Variants in FREM1 observed in about 807,000 individuals in gnomAD.
FREM1 encodes FRAS1-related extracellular matrix protein 1.
In FREM1, 220 loss-of-function variants were observed where a neutral mutation model predicts 210.1. The ratio of observed to expected loss-of-function variants is 1.05; its 90% CI spans 0.94 to 1.17. The LOEUF is 1.17. Ranked by LOEUF, FREM1 falls within the 50% of genes most tolerant of loss-of-function variation. The pLI is 0.00. For missense variants in FREM1, 3,454 were observed against 2,675.5 expected (o/e 1.29, Z -6.42); for synonymous variants, 1,189 against 980.2 (o/e 1.21, Z -3.98).
intron 29 of FREM1, among the ~76,000 whole-genome samples, chr9:14,755,072 T>C (rs980002297): frequency 1.3e-5 from 2 of 152,158 alleles, no homozygotes; most frequent in African/African-American, 4.8e-5. Flanking sequence ...ACCGGAAGCA[T>C]GGAAGAGAGG....
Position 14,816,715 on chromosome 9 carries a change from A to T in FREM1, c.2640+63T>A, listed in dbSNP as rs998802784. On this transcript the variant is annotated intron_variant, in intron 15 of 36. Transcript: ENST00000380880. ...CATTATAAATTACCCAGTCTGTAGT[A>T]TTGTGTTATGGCAGCACAAAACAGA... is the stretch of plus-strand genomic sequence containing the variant. 6.5e-6 allele frequency: 5 copies of T among 764,340 alleles called. No homozygotes were observed. In the African/African-American group the frequency reaches 8.9e-5, roughly 14 times the overall value. The allele number at this position is 764,340 out of a possible 1,614,324, so 47.3% of individuals were successfully genotyped here.
intron 5 of FREM1, among the ~76,000 whole-genome samples, chr9:14,856,775 G>A (rs76084173): frequency 0.019 from 2,837 of 149,830 alleles, 49 homozygotes; most frequent in Non-Finnish European, 0.023. Context: ...AGAGCTTGCA[G>A]TGAGCCGACA....
At chr9:14,778,924 AAT>A (rs1849192569) in intron 24 of FREM1, among the ~76,000 whole-genome samples, 2 of 152,092 alleles carry the variant, frequency 1.3e-5, no homozygotes, top group African/African-American at 2.4e-5. Context: ...AACCTAGAAA[AAT>A]ATGTCTGTTC....
chr9:14,747,019 A>G lies in FREM1; in HGVS notation c.6042T>C (p.Thr2014=). ...AATGGAAGAGTCCCTTTAATTCCAGAGTGCAGTTCTTTGGAAATGAGGGCA... is the reference window on the plus strand; with the variant it reads ...AATGGAAGAGTCCCTTTAATTCCAGGGTGCAGTTCTTTGGAAATGAGGGCA... ...DQLPSFPKNC[T]LELKGLFHFE... is the part of the protein sequence containing the mutation. Residue 2014 remains threonine (T), a synonymous_variant, in exon 34 of 37, where the codon ACT becomes ACC. Transcript: ENST00000380880. 1 of 1,613,238 alleles carries G rather than the reference A, an allele frequency of 6.2e-7. No homozygotes were observed. The highest frequency in any genetic ancestry group is 8.5e-7 in the Non-Finnish European group (1 of 1,179,594).
intron 6 of FREM1, among the ~76,000 whole-genome samples, chr9:14,849,850 G>C (rs1827358958): frequency 6.6e-6 from 1 of 152,152 alleles, no homozygotes; most frequent in African/African-American, 2.4e-5. Context: ...ACTACACACA[G>C]GAAGAGGCCA....
intron 8 of FREM1, among the ~76,000 whole-genome samples, chr9:14,843,139 T>G (rs763678396): frequency 1.3e-4 from 20 of 152,338 alleles, no homozygotes; most frequent in Admixed American, 3.3e-4. Flanking sequence ...GAAAGGGGAA[T>G]GCTCTGTCTC....
rs1825985886 is a variant in FREM1 at position 14,843,197 on chromosome 9, C to A, written c.1394-537G>T. Among the ~76,000 whole-genome samples the A allele has an allele frequency of 4.6e-5, 7 of 152,344 alleles. No individual in the cohort carries two copies. In the South Asian group the frequency reaches 1.4e-3, roughly 32 times the overall value. On this transcript the variant is annotated intron_variant, in intron 8 of 36. Coordinates refer to ENST00000380880, the MANE Select transcript of FREM1 (RefSeq NM_001379081.2). ...CATCTTCTTCCCTCTGACACTGGAG[C>A]TCCTGGCTCTTGGGCCTTTGAACTC...
rs1830201633 is a variant in FREM1 at position 14,861,032 on chromosome 9, T to TATATACAC, written c.330-1549_330-1548insGTGTATAT. Among the ~76,000 whole-genome samples, 2 of 75,440 alleles carry TATATACAC rather than the reference T, an allele frequency of 2.7e-5. 1 individual carries two copies. The highest frequency in any genetic ancestry group is 4.6e-5 in the Non-Finnish European group (2 of 43,888). The allele number at this position is 75,440 out of a possible 152,430, so 49.5% of individuals were successfully genotyped here. A position where few individuals can be genotyped will look rare whatever the true frequency, so the allele number is the denominator to read the frequency against. ...ATATACATATATACACATATATACATATATACATATATACATATATACATA... is the reference window on the plus strand; with the variant it reads ...ATATACATATATACACATATATACATATATACACATATACATATATACATATATACATA... On this transcript the variant is annotated intron_variant, in intron 3 of 36. Coordinates refer to ENST00000380880, the MANE Select transcript of FREM1 (RefSeq NM_001379081.2).
intron 1 of FREM1, among the ~76,000 whole-genome samples, chr9:14,876,304 G>C (rs986273355): frequency 6.6e-6 from 1 of 152,206 alleles, no homozygotes; most frequent in African/African-American, 2.4e-5. Context: ...AGGCAGGCAG[G>C]TCTCCTTGAG....
intron 24 of FREM1, chr9:14,782,414 C>G (rs1046693991): frequency 2.1e-4 from 191 of 895,238 alleles, no homozygotes; most frequent in Non-Finnish European, 2.5e-4. Context: ...CCTGTGTTCT[C>G]CAGCAAGGTC....
intron 1 of FREM1, among the ~76,000 whole-genome samples, chr9:14,876,796 G>A (rs942630466): frequency 2.6e-5 from 4 of 152,114 alleles, no homozygotes; most frequent in African/African-American, 9.7e-5. Flanking sequence ...CTATAGACTG[G>A]AGCTGTTCCT....
At chr9:14,782,494 G>A (rs1428377689) in intron 24 of FREM1, 5 of 211,692 alleles carry the variant, frequency 2.4e-5, no homozygotes, top group Non-Finnish European at 3.3e-5. Context: ...GAGGGAAGCA[G>A]GAAATGAAAG....
chr9:14,861,378 C>CACATATATA (rs1830539836), intron 3 of FREM1, among the ~76,000 whole-genome samples: 2 of 144,498 alleles, frequency 1.4e-5, no homozygotes, highest in African/African-American at 5.2e-5. Context: ...CACGTATATA[C>CACATATATA]ATATATGTAC....
At chr9:14,743,919 A>T (rs1032106035) in intron 35 of FREM1, among the ~76,000 whole-genome samples, 1 of 152,162 alleles carries the variant, frequency 6.6e-6, no homozygotes, top group African/African-American at 2.4e-5. Flanking sequence ...TGGAGCTTTC[A>T]GTGCATTACG....
In FREM1 at chr9:14,851,454, G is replaced by A; in HGVS notation, c.982C>T (p.Pro328Ser). 2 of 1,613,950 alleles carry A rather than the reference G, an allele frequency of 1.2e-6. No individual in the cohort carries two copies. The highest frequency in any genetic ancestry group is 1.7e-6 in the Non-Finnish European group (2 of 1,179,882). The change falls in exon 6 of 37, where the codon CCT (proline) becomes TCT (serine). Residue 328 changes from proline to serine, a missense_variant. Pro to Ser is a moderately conservative substitution (Grantham distance 74). Coordinates refer to ENST00000380880, the MANE Select transcript of FREM1 (RefSeq NM_001379081.2). ...SVLDCEEDET[P>S]KPLLVFNITK... ...ATGTTGAACACCAGCAAGGGTTTAG[G>A]GGTCTCATCTTCTTCACAGTCCAGA...
chr9:14,768,298 T>A (rs1441295810), intron 27 of FREM1, among the ~76,000 whole-genome samples: 1 of 147,174 alleles, frequency 6.8e-6, no homozygotes, highest in Non-Finnish European at 1.5e-5. Context: ...GAAGTCCACG[T>A]ATTAACATTT....
intron 1 of FREM1, among the ~76,000 whole-genome samples, chr9:14,880,773 A>C (rs921554357): frequency 2.0e-5 from 3 of 152,236 alleles, no homozygotes; most frequent in Non-Finnish European, 4.4e-5. Flanking sequence ...TTTTATGGAC[A>C]AAACATACTA....
chr9:14,793,619 G>C (rs1422787201), intron 21 of FREM1, among the ~76,000 whole-genome samples: 1 of 152,136 alleles, frequency 6.6e-6, no homozygotes, highest in African/African-American at 2.4e-5. Flanking sequence ...AAGTGAGAAA[G>C]GGATCTCTTT....
chr9:14,776,892 G>C (rs139941834), intron 24 of FREM1, among the ~76,000 whole-genome samples: 62 of 152,252 alleles, frequency 4.1e-4, no homozygotes, highest in African/African-American at 1.3e-3. Flanking sequence ...TGGTTTACAT[G>C]TGCTTCTGCA....
Sources: allele counts gnomAD v4.1 joint callset (sites outside exome capture counted in the v4.1 genomes callset), GRCh38; gene constraint gnomAD v4.1.1; transcripts MANE v1.5; gene names NCBI Gene and HGNC (gene_info 2026-07-23, HGNC 2026-07-21).